FRYL: variants seen among roughly 807,000 people sequenced by gnomAD.
FRYL encodes FRY like transcription coactivator, also known as protein furry homolog-like.
A neutral mutation model predicts 351.2 loss-of-function variants in FRYL; 150 were observed. The ratio of observed to expected loss-of-function variants is 0.43; its 90% confidence interval spans 0.37 to 0.49. The LOEUF is 0.49. Ranked by LOEUF, FRYL falls within the 20% of genes least tolerant of loss-of-function variation. The pLI, the probability that FRYL is intolerant of heterozygous loss-of-function variation, is 0.00. For missense variants in FRYL, 3,036 were observed against 3,619.3 expected, an observed-to-expected ratio of 0.84 and a Z score of 4.13; for synonymous variants, 1,153 against 1,257.1, an observed-to-expected ratio of 0.92 and a Z score of 1.75.
chr4:48,535,956 T>A, intron 47 of FRYL, 129 bp from the exon 48 acceptor site: 1 of 680,180 alleles, frequency 1.5e-6, no homozygotes, highest in Non-Finnish European at 2.3e-6. Context: ...TTTACTTCAA[T>A]ACGTTAGAAA....
Position 48,500,049 on chromosome 4 carries a change from C to A in FRYL, c.8764G>T (p.Ala2922Ser). Residue 2922 changes from alanine (A) to serine (S), a missense_variant, in exon 63 of 64, where the codon GCA becomes TCA. Physicochemically the swap from Ala to Ser is moderately conservative, Grantham distance 99. Around this residue, in one of 7 missense-constraint regions of FRYL, gnomAD observed 1,987 missense variants for 2,311.7 expected, o/e 0.86. Transcript: ENST00000358350. ...LKNKEFISAV[A>S]QVKAFRSLWP... ...TTTTACCTGAAAGCTTTGACTTGTG[C>A]TACAGCTGATATAAATTCTTTATTT... The A allele has an allele frequency of 6.3e-7, 1 of 1,594,544 alleles. No individual in the cohort carries two copies. Among genetic ancestry groups the A allele is most frequent in the Non-Finnish European group, 8.5e-7 (1 of 1,174,372 alleles).
chr4:48,505,746 C>T (rs1720769014), intron 59 of FRYL, 131 bp from the exon 60 acceptor site: 1 of 575,008 alleles, frequency 1.7e-6, no homozygotes, highest in African/African-American at 1.9e-5. Flanking sequence ...ACTTTTATCT[C>T]CATTCAAGCC....
intron 3 of FRYL, among the ~76,000 whole-genome samples, chr4:48,663,312 A>G (rs1761135613): frequency 7.3e-6 from 1 of 136,968 alleles, no homozygotes; most frequent in Non-Finnish European, 1.5e-5. Flanking sequence ...ACCCCAGAAC[A>G]GCTACTTTTT....
In FRYL at chr4:48,563,893, A is replaced by G. The variant is rs1245517795; in HGVS notation, c.3596+55T>C. ...TCCTATTTTTGAATTCAAAAGAAAA[A>G]CTTTTCTTTAAGAAAACAGAACAAA... On this transcript the variant is annotated intron_variant, in intron 31 of 63. Transcript: ENST00000358350. The G allele has an allele frequency of 9.6e-6, 15 of 1,563,172 alleles. No homozygotes were observed. In the Admixed American group the frequency reaches 2.7e-4, roughly 28 times the overall value.
intron 1 of FRYL, among the ~76,000 whole-genome samples, chr4:48,777,220 T>C (rs1467459364): frequency 1.3e-5 from 2 of 152,220 alleles, no homozygotes; most frequent in African/African-American, 4.8e-5. Context: ...TGACAATGTG[T>C]TCACCATCAC....
chr4:48,778,640 A>G (rs1480691949), intron 1 of FRYL, among the ~76,000 whole-genome samples: 2 of 152,242 alleles, frequency 1.3e-5, no homozygotes, highest in African/African-American at 4.8e-5. Flanking sequence ...CTCGGCAAGT[A>G]TTGACAGATT....
chr4:48,661,899 GGAGA>G (rs937556541), intron 3 of FRYL, among the ~76,000 whole-genome samples: 2 of 152,044 alleles, frequency 1.3e-5, no homozygotes, highest in Non-Finnish European at 2.9e-5. Context: ...CAAATAAAAT[GGAGA>G]AAGAAAAACA....
In FRYL at chr4:48,540,413, G is replaced by A; in HGVS notation, c.6235C>T (p.Leu2079Phe). Residue 2079 changes from leucine to phenylalanine, a missense_variant, in exon 46 of 64, where the codon CTC becomes TTC. Leu to Phe is a conservative substitution (Grantham distance 22). This residue lies in a region of FRYL where 1,987 missense variants were observed against 2,311.7 expected (regional missense o/e 0.86). Transcript: ENST00000358350. ...SASTQEMTVHLLSKLISVSKH... is the reference protein window; with the variant it reads ...SASTQEMTVHFLSKLISVSKH... ...GAGACAGAAATGAGTTTACTGAGGA[G>A]GTGCACGGTCATTTCTTGTGTAGAT... is the stretch of plus-strand genomic sequence containing the variant. 1 of 1,613,788 alleles carries A rather than the reference G, an allele frequency of 6.2e-7. No individual in the cohort carries two copies. The highest frequency in any genetic ancestry group is 8.5e-7 in the Non-Finnish European group (1 of 1,179,750).
chr4:48,525,031 A>G (rs1725709435), intron 53 of FRYL, among the ~76,000 whole-genome samples: 1 of 151,172 alleles, frequency 6.6e-6, no homozygotes, highest in Non-Finnish European at 1.5e-5. Flanking sequence ...GATGAGTGTG[A>G]AACTAATTTT....
chr4:48,638,932 A>G (rs1406567948), intron 3 of FRYL, among the ~76,000 whole-genome samples: 4 of 152,090 alleles, frequency 2.6e-5, no homozygotes, highest in Non-Finnish European at 4.4e-5. Context: ...CAGGGAGGGG[A>G]ACATCACACA....
intron 3 of FRYL, among the ~76,000 whole-genome samples, chr4:48,654,262 T>C (rs888109266): frequency 3.9e-5 from 5 of 129,168 alleles, no homozygotes; most frequent in Admixed American, 7.4e-5. Flanking sequence ...TAGGATTTAG[T>C]ATAAAATCTT....
intron 33 of FRYL, 28 bp from the exon 34 acceptor site, chr4:48,557,740 C>G (rs1189891001): frequency 1.9e-6 from 3 of 1,608,856 alleles, no homozygotes; most frequent in South Asian, 1.1e-5. Context: ...TCAAAGATAA[C>G]TGATGTAATT....
intron 3 of FRYL, among the ~76,000 whole-genome samples, chr4:48,671,873 CA>C (rs71191252): frequency 4.8e-4 from 25 of 51,858 alleles, no homozygotes; most frequent in South Asian, 2.3e-3. Context: ...AAAAAAAAAA[CA>C]AAAAAAAAAA....
In FRYL at chr4:48,723,940, A is replaced by AAATAATAAT. The variant is rs35636867; in HGVS notation, c.-383-13251_-383-13243dup. On this transcript the variant is annotated intron_variant, in intron 1 of 63. Coordinates refer to ENST00000358350, the MANE Select transcript of FRYL (RefSeq NM_015030.2). Reference sequence around the variant, plus strand: ...AACTCTACAAAAAAAAAAATAAATAAAATAATAATAATAATAATAATAATA... The same window carrying AAATAATAAT: ...AACTCTACAAAAAAAAAAATAAATAAAATAATAATAATAATAATAATAATAATAATAATA... 4.5e-3 allele frequency among the ~76,000 whole-genome samples: 634 copies of AAATAATAAT among 140,374 alleles called. 2 individuals carry two copies. The highest frequency in any genetic ancestry group is 7.3e-3 in the Non-Finnish European group (478 of 65,504). 92.1% of individuals were successfully genotyped at this position (140,374 alleles called of 152,430 possible). A position where few individuals can be genotyped will look rare whatever the true frequency, so the allele number is the denominator to read the frequency against.
In FRYL at chr4:48,540,784, C is replaced by T. The variant is rs375162329; in HGVS notation, c.5864G>A (p.Arg1955Gln). Reference sequence around the variant, plus strand: ...CATTATATCCAGTGTGTTACTCCGCCGCCGGTCACCTCGTCGGTCACCAAT... The same window carrying T: ...CATTATATCCAGTGTGTTACTCCGCTGCCGGTCACCTCGTCGGTCACCAAT... ...SLIGDRRGDR[R>Q]RSNTLDIMDG... Residue 1955 changes from arginine to glutamine, a missense_variant, in exon 46 of 64, where the codon CGG becomes CAG. Physicochemically the swap from Arg to Gln is conservative, Grantham distance 43 (BLOSUM62 1). This residue lies in a region of FRYL where 1,987 missense variants were observed against 2,311.7 expected (regional missense o/e 0.86). Coordinates refer to ENST00000358350, the MANE Select transcript of FRYL (RefSeq NM_015030.2). 1.1e-4 allele frequency: 177 copies of T among 1,613,904 alleles called. No individual in the cohort carries two copies. Among genetic ancestry groups the T allele is most frequent in the Admixed American group, 5.8e-4 (35 of 59,980 alleles).
At chr4:48,550,823 C>T in intron 37 of FRYL, 119 bp from the exon 38 acceptor site, 1 of 755,658 alleles carries the variant, frequency 1.3e-6, no homozygotes, top group Middle Eastern at 2.4e-4. Context: ...CCTGTAATCC[C>T]AGCACTTTGG....
intron 63 of FRYL, 43 bp from the exon 64 acceptor site, chr4:48,499,723 T>C (rs767333196): frequency 6.4e-6 from 10 of 1,565,852 alleles, no homozygotes. Context: ...ACTTAGGCAA[T>C]AGTTAAGACT....
chr4:48,729,404 C>T (rs1445830682), intron 1 of FRYL, among the ~76,000 whole-genome samples: 2 of 152,300 alleles, frequency 1.3e-5, no homozygotes, highest in African/African-American at 2.4e-5. Context: ...GCACGGTGTT[C>T]GAGCTCTGAT....
chr4:48,516,341 A>T (rs1244307238), intron 55 of FRYL, among the ~76,000 whole-genome samples: 3 of 152,216 alleles, frequency 2.0e-5, no homozygotes, highest in Non-Finnish European at 4.4e-5. Flanking sequence ...GTAGAGGCTC[A>T]AGAGATATTG....
Sources: gnomAD v4.1 joint callset for allele counts (sites outside exome capture counted in the v4.1 genomes callset) on GRCh38, gnomAD v4.1.1 for gene constraint, gnomAD v4.1.1 regional missense constraint, MANE v1.5 for transcripts, NCBI Gene and HGNC (gene_info 2026-07-23, HGNC 2026-07-21) for gene names.